Variants in TP63 observed in about 807,000 individuals in gnomAD.
TP63 encodes tumor protein p63.
A neutral mutation model predicts 82.8 loss-of-function variants in TP63; 17 were observed. That is an observed-to-expected ratio of 0.21 (90% CI 0.14 to 0.31). TP63 has a LOEUF of 0.31. TP63 is among the 10% of genes least tolerant of loss of function. The pLI is 1.00. For missense variants in TP63, 648 were observed against 895.3 expected (o/e 0.72, Z 3.52); for synonymous variants, 330 against 321.7 (o/e 1.03, Z -0.28).
intron 3 of TP63, among the ~76,000 whole-genome samples, chr3:189,772,020 C>T (rs921386820): frequency 6.6e-6 from 1 of 152,132 alleles, no homozygotes; most frequent in Non-Finnish European, 1.5e-5. Flanking sequence ...TTTGGAAACA[C>T]TCCCTTGATG....
At chr3:189,610,734 C>T in the TP63 span, among the ~76,000 whole-genome samples, 7 of 152,188 alleles carry the variant, frequency 4.6e-5, no homozygotes, top group African/African-American at 1.7e-4. Flanking sequence ...CAGTGCCCCA[C>T]TCTACTGGTA....
intron 1 of TP63, among the ~76,000 whole-genome samples, chr3:189,674,800 T>C (rs1386049312): frequency 6.6e-6 from 1 of 152,152 alleles, no homozygotes; most frequent in Non-Finnish European, 1.5e-5. Context: ...AGCACAGAAC[T>C]GCCCTCTGCA....
chr3:189,616,833 G>A, the TP63 span, among the ~76,000 whole-genome samples: 1 of 152,248 alleles, frequency 6.6e-6, no homozygotes. Context: ...AGATGGCATT[G>A]TCCTACTCCT....
chr3:189,848,604 T>C (rs929608826), intron 4 of TP63, among the ~76,000 whole-genome samples: 2 of 152,268 alleles, frequency 1.3e-5, no homozygotes, highest in East Asian at 3.9e-4. Context: ...AATAGAAACA[T>C]AGAACCAAGC....
chr3:189,850,310 C>CA (rs993708166), intron 4 of TP63, among the ~76,000 whole-genome samples: 2 of 151,046 alleles, frequency 1.3e-5, no homozygotes, highest in African/African-American at 2.4e-5. Flanking sequence ...CCGCCACCAC[C>CA]AAAAAAAGAA....
chr3:189,865,222 G>A (rs1474081082), intron 5 of TP63, among the ~76,000 whole-genome samples: 1 of 152,086 alleles, frequency 6.6e-6, no homozygotes, highest in Non-Finnish European at 1.5e-5. Flanking sequence ...AAAAAGATGA[G>A]AAGGCAAGTA....
chr3:189,718,420 C>T (rs895721987), intron 1 of TP63, among the ~76,000 whole-genome samples: 5 of 150,620 alleles, frequency 3.3e-5, no homozygotes, highest in South Asian at 4.4e-4. Context: ...GGAAGGAAGG[C>T]GTGTTTTGCA....
At chr3:189,893,229 A>C (rs1302017711) in intron 13 of TP63, among the ~76,000 whole-genome samples, 1 of 152,224 alleles carries the variant, frequency 6.6e-6, no homozygotes, top group Non-Finnish European at 1.5e-5. Flanking sequence ...GTATTTACCT[A>C]TGAGTCTATA....
At chr3:189,778,453 A>T (rs1325837149) in intron 3 of TP63, among the ~76,000 whole-genome samples, 2 of 152,226 alleles carry the variant, frequency 1.3e-5, no homozygotes, top group African/African-American at 4.8e-5. Flanking sequence ...CAAATGTGAC[A>T]ATCTTTCCTA....
intron 1 of TP63, among the ~76,000 whole-genome samples, chr3:189,682,866 G>T (rs960431428): frequency 3.9e-5 from 6 of 151,964 alleles, no homozygotes; most frequent in Middle Eastern, 3.2e-3. Context: ...TGGGGAGAGT[G>T]AATCATTGGA....
chr3:189,777,359 G>A (rs2108569426), intron 3 of TP63, among the ~76,000 whole-genome samples: 1 of 152,104 alleles, frequency 6.6e-6, no homozygotes, highest in East Asian at 1.9e-4. Flanking sequence ...ACCATGCTCA[G>A]CTAATTTTTG....
intron 11 of TP63, among the ~76,000 whole-genome samples, chr3:189,887,343 T>C (rs1720556919): frequency 6.6e-6 from 1 of 152,170 alleles, no homozygotes; most frequent in South Asian, 2.1e-4. Flanking sequence ...ATACTTAACA[T>C]TTTATGTCTG....
intron 1 of TP63, among the ~76,000 whole-genome samples, chr3:189,655,416 AGAGTTC>A (rs1249654401): frequency 6.6e-6 from 1 of 152,080 alleles, no homozygotes; most frequent in Non-Finnish European, 1.5e-5. Context: ...CCTGAGGTCA[AGAGTTC>A]GAGGCCAGGC....
At chr3:189,824,707 G>A (rs191985704) in intron 4 of TP63, among the ~76,000 whole-genome samples, 26 of 152,178 alleles carry the variant, frequency 1.7e-4, no homozygotes, top group Admixed American at 1.4e-3. Context: ...TACTCAGGAC[G>A]ATTTTCCTCT....
At chr3:189,861,930 C>G (rs73199778) in intron 4 of TP63, among the ~76,000 whole-genome samples, 28,808 of 152,028 alleles carry the variant, frequency 0.19, 4,247 homozygotes, top group African/African-American at 0.42. Context: ...TAATTCAAGT[C>G]AATTATCTGT....
intron 3 of TP63, among the ~76,000 whole-genome samples, chr3:189,796,693 G>A (rs1725741591): frequency 6.6e-6 from 1 of 152,142 alleles, no homozygotes; most frequent in African/African-American, 2.4e-5. Context: ...TCAATGAAGT[G>A]TCTGTAAAAT....
chr3:189,678,787 A>G (rs755135842), intron 1 of TP63, among the ~76,000 whole-genome samples: 1 of 151,966 alleles, frequency 6.6e-6, no homozygotes, highest in Non-Finnish European at 1.5e-5. Context: ...TTCATTTGTC[A>G]GTGTTTTGTA....
intron 3 of TP63, among the ~76,000 whole-genome samples, chr3:189,762,688 A>G (rs1722667473): frequency 1.3e-5 from 2 of 152,206 alleles, no homozygotes; most frequent in Admixed American, 6.5e-5. Context: ...TCCTTGGCAA[A>G]AGAACTAAAA....
chr3:189,757,969 CAG>C (rs1458746218), intron 3 of TP63, among the ~76,000 whole-genome samples: 2 of 152,122 alleles, frequency 1.3e-5, no homozygotes, highest in Non-Finnish European at 2.9e-5. Flanking sequence ...GGCAAAATGG[CAG>C]AGTTTAACTA....
Sources: allele counts gnomAD v4.1 joint callset (sites outside exome capture counted in the v4.1 genomes callset), GRCh38; gene constraint gnomAD v4.1.1; transcripts MANE v1.5; gene names NCBI Gene and HGNC (gene_info 2026-07-23, HGNC 2026-07-21).